The following MTUS2 variants were observed in gnomAD, a reference collection of about 807,000 sequenced individuals.
The protein encoded by MTUS2 is microtubule-associated tumor suppressor candidate 2.
Under a neutral mutation model 114.1 loss-of-function variants are expected in MTUS2, and 40 were observed. The ratio of observed to expected loss-of-function variants is 0.35; its 90% CI spans 0.27 to 0.46. The LOEUF is 0.46. MTUS2 is among the 20% of genes least tolerant of loss of function. The pLI is 1.00. For synonymous variants in MTUS2, 688 were observed against 672.0 expected, an observed-to-expected ratio of 1.02 and a Z score of -0.37; for missense variants, 1,679 against 1,705.4, an observed-to-expected ratio of 0.98 and a Z score of 0.27.
chr13:29,272,469 G>A (rs1332208954), intron 5 of MTUS2, among the ~76,000 whole-genome samples: 4 of 152,096 alleles, frequency 2.6e-5, no homozygotes, highest in Non-Finnish European at 5.9e-5. Flanking sequence ...TTTTGGTCTG[G>A]TTAGTGTTTA....
At chr13:29,491,985 G>T (rs1882161450) in intron 11 of MTUS2, among the ~76,000 whole-genome samples, 1 of 147,862 alleles carries the variant, frequency 6.8e-6, no homozygotes, top group South Asian at 2.2e-4. Context: ...TGGTAGGTGT[G>T]TGTGGTGTAT....
intron 5 of MTUS2, among the ~76,000 whole-genome samples, chr13:29,228,101 A>C (rs1593193194): frequency 6.6e-6 from 1 of 152,356 alleles, no homozygotes; most frequent in African/African-American, 2.4e-5. Flanking sequence ...AAGCATCAAT[A>C]CATGAAGATA....
chr13:28,967,226 T>A (rs1490109315), intron 2 of MTUS2, among the ~76,000 whole-genome samples: 1 of 152,216 alleles, frequency 6.6e-6, no homozygotes, highest in African/African-American at 2.4e-5. Context: ...CTTCTTTTGC[T>A]TTGAACATGT....
At chr13:28,905,591 C>T (rs1426941921) in intron 2 of MTUS2, among the ~76,000 whole-genome samples, 2 of 151,462 alleles carry the variant, frequency 1.3e-5, no homozygotes, top group Non-Finnish European at 2.9e-5. Context: ...GCCTCGCATC[C>T]CAGGGATGAA....
chr13:29,168,958 T>A (rs1893439180), intron 5 of MTUS2, among the ~76,000 whole-genome samples: 1 of 148,492 alleles, frequency 6.7e-6, no homozygotes, highest in African/African-American at 2.4e-5. Context: ...CTAGGTCATG[T>A]ACAGGTCAAC....
chr13:29,272,246 T>G (rs1267515137), intron 5 of MTUS2, among the ~76,000 whole-genome samples: 1 of 152,236 alleles, frequency 6.6e-6, no homozygotes, highest in African/African-American at 2.4e-5. Flanking sequence ...CAATGAAATA[T>G]GCATCAGTTA....
intron 6 of MTUS2, among the ~76,000 whole-genome samples, chr13:29,319,350 G>A (rs1333060069): frequency 6.6e-6 from 1 of 152,132 alleles, no homozygotes; most frequent in Non-Finnish European, 1.5e-5. Context: ...AACCGCAGCG[G>A]CAGGAATGCA....
chr13:29,198,409 G>A (rs1404820724), intron 5 of MTUS2, among the ~76,000 whole-genome samples: 1 of 152,168 alleles, frequency 6.6e-6, no homozygotes, highest in Admixed American at 6.5e-5. Context: ...TGAGGCCTCT[G>A]TTCTGTTCCA....
chr13:28,880,094 C>G (rs1389895309), intron 2 of MTUS2, among the ~76,000 whole-genome samples: 11 of 152,074 alleles, frequency 7.2e-5, no homozygotes, highest in Admixed American at 7.2e-4. Context: ...TTCTTTTCAC[C>G]AACATGTTGT....
intron 4 of MTUS2, among the ~76,000 whole-genome samples, chr13:29,057,105 T>G (rs1372112114): frequency 1.3e-5 from 2 of 152,092 alleles, no homozygotes; most frequent in Admixed American, 1.3e-4. Flanking sequence ...TCCATGTAAT[T>G]GTATGGTTTT....
chr13:29,337,457 C>G (rs1410832953), intron 7 of MTUS2, among the ~76,000 whole-genome samples: 1 of 152,170 alleles, frequency 6.6e-6, no homozygotes, highest in Admixed American at 6.5e-5. Flanking sequence ...TGCTTTGTCT[C>G]ACCCTCCATG....
chr13:29,487,707 C>T lies in MTUS2; in HGVS notation c.3400-193C>T, dbSNP rs755631800. 2.6e-4 allele frequency: 158 copies of T among 601,430 alleles called. 1 individual carries two copies. Among genetic ancestry groups the T allele is most frequent in the Non-Finnish European group, 4.3e-4 (144 of 334,966 alleles). The allele number at this position is 601,430 out of a possible 1,614,324, so 37.3% of individuals were successfully genotyped here. A position where few individuals can be genotyped will look rare whatever the true frequency, so the allele number is the denominator to read the frequency against. ...TGGAGTTGGACCCCCCTACAAAGAG[C>T]CAGGTTGTGGCAGTGACCTCCCCGT... On this transcript the variant is annotated intron_variant, in intron 10 of 15. Coordinates refer to ENST00000612955, the MANE Select transcript of MTUS2 (RefSeq NM_001033602.4).
At chr13:29,411,063 C>T (rs1875198508) in intron 8 of MTUS2, among the ~76,000 whole-genome samples, 1 of 152,168 alleles carries the variant, frequency 6.6e-6, no homozygotes, top group Non-Finnish European at 1.5e-5. Context: ...AACTCCTGAC[C>T]TCAGGTGATC....
intron 8 of MTUS2, 148 bp downstream of exon 8, chr13:29,359,621 T>A: frequency 1.2e-6 from 1 of 847,228 alleles, no homozygotes; most frequent in Non-Finnish European, 1.8e-6. Flanking sequence ...CAGAATCTCC[T>A]GAGGCATCCC....
At chr13:28,923,844 C>T (rs1881180737) in intron 2 of MTUS2, among the ~76,000 whole-genome samples, 1 of 152,192 alleles carries the variant, frequency 6.6e-6, no homozygotes, top group South Asian at 2.1e-4. Context: ...CTTGCCGGTG[C>T]TGCAGGTCTC....
At chr13:29,286,143 C>G (rs1898471405) in intron 6 of MTUS2, among the ~76,000 whole-genome samples, 1 of 152,182 alleles carries the variant, frequency 6.6e-6, no homozygotes, top group Admixed American at 6.5e-5. Context: ...CCAGGCTGGT[C>G]TCGAACTTCT....
chr13:29,157,893 C>T (rs1346089580), intron 5 of MTUS2, among the ~76,000 whole-genome samples: 2 of 152,152 alleles, frequency 1.3e-5, no homozygotes, highest in East Asian at 3.9e-4. Context: ...CAACACTGGG[C>T]ATAGTGTCAG....
intron 5 of MTUS2, among the ~76,000 whole-genome samples, chr13:29,223,638 G>A (rs981169818): frequency 6.6e-6 from 1 of 152,182 alleles, no homozygotes; most frequent in Non-Finnish European, 1.5e-5. Flanking sequence ...CATTCTTCCT[G>A]GACATGGGAC....
At chr13:29,390,985 A>C (rs770076643) in intron 8 of MTUS2, among the ~76,000 whole-genome samples, 16 of 151,524 alleles carry the variant, frequency 1.1e-4, no homozygotes, top group Admixed American at 2.0e-4. Context: ...GTTTCACCAT[A>C]TTGGTCGGGC....
Sources: allele counts gnomAD v4.1 joint callset (sites outside exome capture counted in the v4.1 genomes callset), GRCh38; gene constraint gnomAD v4.1.1; transcripts MANE v1.5; gene names NCBI Gene and HGNC (gene_info 2026-07-23, HGNC 2026-07-21).